The following DACH2 variants were observed in gnomAD, a reference collection of about 807,000 sequenced individuals.
DACH2 encodes dachshund homolog 2.
In DACH2, 17 loss-of-function variants were observed where a neutral mutation model predicts 35.8. The ratio of observed to expected loss-of-function variants is 0.48; its 90% CI spans 0.33 to 0.71. DACH2 has a LOEUF of 0.71. DACH2 is among the 30% of genes least tolerant of loss of function. The pLI is 0.02. For synonymous variants in DACH2, 195 were observed against 177.3 expected, an observed-to-expected ratio of 1.10 and a Z score of -0.79; for missense variants, 469 against 472.7, an observed-to-expected ratio of 0.99 and a Z score of 0.07.
intron 3 of DACH2, among the ~76,000 whole-genome samples, chrX:86,581,393 T>C (rs955374125): frequency 2.8e-4 from 29 of 103,907 alleles, no homozygotes; most frequent in African/African-American, 1.1e-3. Flanking sequence ...TGAATGTATG[T>C]GGGCTAAATG....
intron 6 of DACH2, among the ~76,000 whole-genome samples, chrX:86,718,231 C>A (rs755429990): frequency 9.0e-6 from 1 of 111,318 alleles, no homozygotes; most frequent in African/African-American, 3.3e-5. Context: ...TTTTAATTTG[C>A]GTTTCTCTGA....
At chrX:86,549,870 A>G (rs1372185194) in intron 3 of DACH2, among the ~76,000 whole-genome samples, 1 of 101,790 alleles carries the variant, frequency 9.8e-6, no homozygotes, top group Admixed American at 1.0e-4. Context: ...GAATACATTA[A>G]CTAAAAATTA....
intron 7 of DACH2, among the ~76,000 whole-genome samples, chrX:86,808,608 G>A (rs1055458373): frequency 9.6e-6 from 1 of 104,617 alleles, no homozygotes; most frequent in African/African-American, 3.5e-5. Context: ...GGAAGCAGGT[G>A]TCTCACTTGT....
chrX:86,449,605 G>A (rs974392814), intron 2 of DACH2, among the ~76,000 whole-genome samples: 4 of 107,765 alleles, frequency 3.7e-5, no homozygotes, highest in East Asian at 5.7e-4. Flanking sequence ...GTAGTTAAGC[G>A]ATTTCCTCTA....
intron 3 of DACH2, among the ~76,000 whole-genome samples, chrX:86,554,682 C>T (rs750547871): frequency 8.1e-5 from 9 of 111,471 alleles, no homozygotes; most frequent in Non-Finnish European, 1.5e-4. Flanking sequence ...TCCTATCTAA[C>T]GACCAATTAA....
At chrX:86,603,182 A>T (rs183992155) in intron 3 of DACH2, among the ~76,000 whole-genome samples, 81 of 109,964 alleles carry the variant, frequency 7.4e-4, no homozygotes, top group Non-Finnish European at 8.4e-4. Flanking sequence ...TTTTTCCTCT[A>T]TGTGTGCCTG....
intron 2 of DACH2, among the ~76,000 whole-genome samples, chrX:86,456,235 TTC>T (rs2037472781): frequency 8.9e-6 from 1 of 112,560 alleles, no homozygotes; most frequent in Non-Finnish European, 1.9e-5. Flanking sequence ...CCTTTCATTT[TTC>T]TCTGAGTGCT....
chrX:86,498,729 T>C (rs1032512573), intron 2 of DACH2, among the ~76,000 whole-genome samples: 2 of 112,357 alleles, frequency 1.8e-5, no homozygotes, highest in African/African-American at 6.5e-5. Flanking sequence ...TTTAATGAAA[T>C]ATCAAATTAT....
intron 3 of DACH2, among the ~76,000 whole-genome samples, chrX:86,522,964 T>A (rs1343381540): frequency 8.9e-6 from 1 of 111,880 alleles, no homozygotes; most frequent in African/African-American, 3.2e-5. Flanking sequence ...CCTCAGCTTA[T>A]GAAGCATTTC....
intron 2 of DACH2, among the ~76,000 whole-genome samples, chrX:86,434,767 A>G (rs1002171543): frequency 1.8e-5 from 2 of 111,806 alleles, no homozygotes; most frequent in Non-Finnish European, 3.8e-5. Flanking sequence ...TAATTTTTAG[A>G]GAAAATAAGT....
At chrX:86,820,706 C>T (rs753099944) in intron 11 of DACH2, among the ~76,000 whole-genome samples, 27 of 110,532 alleles carry the variant, frequency 2.4e-4, no homozygotes, top group East Asian at 8.5e-4. Flanking sequence ...TACCTTATGG[C>T]GTAGAACATT....
intron 2 of DACH2, among the ~76,000 whole-genome samples, chrX:86,386,508 G>T (rs2036124946): frequency 9.2e-6 from 1 of 108,678 alleles, no homozygotes; most frequent in African/African-American, 3.3e-5. Context: ...AAAATTATTT[G>T]GAATTCTTCT....
At chrX:86,617,453 T>C (rs189368679) in intron 3 of DACH2, among the ~76,000 whole-genome samples, 1 of 111,586 alleles carries the variant, frequency 9.0e-6, no homozygotes, top group Non-Finnish European at 1.9e-5. Flanking sequence ...TGATTTATTT[T>C]AGCAGTGTTT....
chrX:86,362,278 G>T (rs1162608264), intron 1 of DACH2, among the ~76,000 whole-genome samples: 1 of 110,924 alleles, frequency 9.0e-6, no homozygotes, highest in Non-Finnish European at 1.9e-5. Context: ...CTACTCTAAG[G>T]TATAAATTCA....
At position 86,470,415 on chromosome X, in the gene DACH2, G is replaced by A. The variant is rs1360601516; in HGVS notation, c.528-43864G>A. 1.6e-4 allele frequency among the ~76,000 whole-genome samples: 18 copies of A among 111,656 alleles called. 1 individual carries two copies. Among genetic ancestry groups the A allele is most frequent in the Non-Finnish European group, 9.4e-5 (5 of 52,969 alleles). On this transcript the variant is annotated intron_variant, in intron 2 of 11. Transcript: ENST00000373125. Reference sequence around the variant, plus strand: ...TTCTAACATTGAAGTTGAATAGCTAGTCATGTCACATAATAATATCATCAG... The same window carrying A: ...TTCTAACATTGAAGTTGAATAGCTAATCATGTCACATAATAATATCATCAG...
At chrX:86,230,721 T>G in intron 1 of DACH2, among the ~76,000 whole-genome samples, 1 of 111,451 alleles carries the variant, frequency 9.0e-6, no homozygotes, top group African/African-American at 3.3e-5. Context: ...AGGAGGGTTG[T>G]TTTTTCCAGG....
chrX:86,206,769 C>A (rs2032323383), intron 1 of DACH2, among the ~76,000 whole-genome samples: 1 of 111,679 alleles, frequency 9.0e-6, no homozygotes, highest in African/African-American at 3.3e-5. Flanking sequence ...TATCTGGAAG[C>A]CCATCTTTGG....
At chrX:86,418,624 G>A (rs1441584479) in intron 2 of DACH2, among the ~76,000 whole-genome samples, 1 of 110,885 alleles carries the variant, frequency 9.0e-6, no homozygotes, top group South Asian at 3.9e-4. Context: ...ACAGCACGTG[G>A]ACCCTGGGCC....
chrX:86,548,916 A>C (rs2039010412), intron 3 of DACH2, among the ~76,000 whole-genome samples: 1 of 112,258 alleles, frequency 8.9e-6, no homozygotes. Context: ...AATGTTTTAA[A>C]GAATAGCAAA....
Sources: gnomAD v4.1 joint callset for allele counts (sites outside exome capture counted in the v4.1 genomes callset) on GRCh38, gnomAD v4.1.1 for gene constraint, MANE v1.5 for transcripts, NCBI Gene and HGNC (gene_info 2026-07-23, HGNC 2026-07-21) for gene names.